USP54: variants seen among roughly 807,000 people sequenced by gnomAD.
USP54 encodes the protein ubiquitin specific peptidase 54.
A neutral mutation model predicts 170.5 loss-of-function variants in USP54; 87 were observed. That is an observed-to-expected ratio of 0.51 (90% CI 0.43 to 0.61). The LOEUF (loss-of-function observed/expected upper bound fraction) is 0.61. Ranked by LOEUF, USP54 falls within the 20% of genes least tolerant of loss-of-function variation. USP54 has a pLI of 0.00. For synonymous variants in USP54, 655 were observed against 742.8 expected, an observed-to-expected ratio of 0.88 and a Z score of 1.92; for missense variants, 1,786 against 2,047.8, an observed-to-expected ratio of 0.87 and a Z score of 2.47.
chr10:73,547,814 G>A (rs2068212404), intron 4 of USP54, among the ~76,000 whole-genome samples: 1 of 152,140 alleles, frequency 6.6e-6, no homozygotes, highest in South Asian at 2.1e-4. Flanking sequence ...TCAGGACATA[G>A]GCATGGGCAA....
intron 20 of USP54, among the ~76,000 whole-genome samples, chr10:73,514,366 G>A (rs2060709982): frequency 6.6e-6 from 1 of 151,576 alleles, no homozygotes; most frequent in South Asian, 2.1e-4. Flanking sequence ...GCTTCGAGAT[G>A]AGCCTGGCCA....
chr10:73,610,851 A>T (rs769250498), intron 1 of USP54, among the ~76,000 whole-genome samples: 2 of 152,300 alleles, frequency 1.3e-5, no homozygotes, highest in Non-Finnish European at 2.9e-5. Context: ...TCAACATGGC[A>T]CGGGAAGGTA....
At chr10:73,544,006 G>A (rs1228634357) in intron 5 of USP54, among the ~76,000 whole-genome samples, 4 of 150,552 alleles carry the variant, frequency 2.7e-5, no homozygotes, top group African/African-American at 4.9e-5. Context: ...ACAGTAGAGC[G>A]ATCTCGGCTC....
intron 1 of USP54, among the ~76,000 whole-genome samples, chr10:73,587,859 T>A (rs1408816108): frequency 6.6e-6 from 1 of 152,202 alleles, no homozygotes; most frequent in Non-Finnish European, 1.5e-5. Context: ...TGATGAAGAA[T>A]AAGATGAATC....
chr10:73,536,073 C>T, intron 11 of USP54, 196 bp downstream of exon 11: 1 of 670,494 alleles, frequency 1.5e-6, no homozygotes, highest in Non-Finnish European at 2.5e-6. Flanking sequence ...ATTTAGGCAA[C>T]ACTGTTTTGA....
intron 4 of USP54, among the ~76,000 whole-genome samples, chr10:73,563,764 T>C (rs2073655323): frequency 6.6e-6 from 1 of 152,120 alleles, no homozygotes; most frequent in Admixed American, 6.5e-5. Flanking sequence ...AGGAATTTTC[T>C]GGAGTTCTAT....
chr10:73,539,585 GAA>G lies in USP54; in HGVS notation c.832_833del (p.Phe278GlnfsTer5). ...GCTTGGCCCGGTCATCCGTCACTCT[GAA>G]AAACAGCTGAGGGGAAAGAAGAGAA... ...GTCLKLGDLF[F>X]RVTDDRAKQS... On this transcript the variant is annotated frameshift_variant, in exon 10 of 24. Coordinates refer to ENST00000687698, the MANE Select transcript of USP54 (RefSeq NM_001391956.1). LOFTEE classifies it high-confidence loss of function. The G allele has an allele frequency of 6.3e-7, 1 of 1,595,888 alleles. No homozygotes were observed. The highest frequency in any genetic ancestry group is 1.3e-5 in the African/African-American group (1 of 74,778).
At chr10:73,602,206 G>A (rs968288808) in intron 1 of USP54, among the ~76,000 whole-genome samples, 1 of 152,176 alleles carries the variant, frequency 6.6e-6, no homozygotes, top group East Asian at 1.9e-4. Context: ...CTATTTATTG[G>A]TAAAGTATAC....
chr10:73,607,892 G>A (rs558246406), intron 1 of USP54, among the ~76,000 whole-genome samples: 4 of 151,528 alleles, frequency 2.6e-5, no homozygotes, highest in Admixed American at 2.0e-4. Context: ...GTGCTTAATT[G>A]AGTAGTAAGG....
At chr10:73,590,611 A>G (rs1225044499) in intron 1 of USP54, among the ~76,000 whole-genome samples, 1 of 152,196 alleles carries the variant, frequency 6.6e-6, no homozygotes, top group Admixed American at 6.5e-5. Context: ...AATATTAAAT[A>G]TTTTACTTTC....
At chr10:73,544,845 C>A (rs912034803) in intron 5 of USP54, among the ~76,000 whole-genome samples, 1 of 152,118 alleles carries the variant, frequency 6.6e-6, no homozygotes, top group Non-Finnish European at 1.5e-5. Flanking sequence ...TCCCAAGTAG[C>A]TGGGACTATA....
chr10:73,538,858 G>T (rs540200548), intron 10 of USP54, among the ~76,000 whole-genome samples: 41 of 152,218 alleles, frequency 2.7e-4, no homozygotes, highest in African/African-American at 9.4e-4. Flanking sequence ...ATACAAAACT[G>T]CTGAATGCCT....
At chr10:73,551,912 C>A (rs2069466700) in intron 4 of USP54, among the ~76,000 whole-genome samples, 1 of 152,198 alleles carries the variant, frequency 6.6e-6, no homozygotes, top group South Asian at 2.1e-4. Flanking sequence ...AGGGCCTCAA[C>A]TGTTCCTAAT....
chr10:73,526,757 G>T lies in USP54; in HGVS notation c.2084C>A (p.Ala695Asp), dbSNP rs185369803. The T allele has an allele frequency of 6.2e-7, 1 of 1,613,964 alleles. No homozygotes were observed. Among genetic ancestry groups the T allele is most frequent in the East Asian group, 2.2e-5 (1 of 44,866 alleles). Residue 695 changes from alanine to aspartate, a missense_variant, in exon 16 of 24, where the codon GCT becomes GAT. By Grantham distance (126) the Ala-to-Asp change is moderately radical. Around this residue, in one of 3 missense-constraint regions of USP54, gnomAD observed 1,418 missense variants for 1,569.0 expected, o/e 0.90. Transcript: ENST00000687698. ...VYRDPSAKRS[A>D]GLVPSWRHIP... The stretch of plus-strand genomic sequence containing the variant: ...ATGACGCCAGGAAGGAACCAACCCA[G>T]CTGATCTCTTAGCACTTGGATCCCT...
chr10:73,599,254 C>T (rs750785775), intron 1 of USP54, among the ~76,000 whole-genome samples: 13 of 152,156 alleles, frequency 8.5e-5, no homozygotes, highest in East Asian at 1.9e-4. Context: ...ACATGAAAGA[C>T]GGTGAAACTG....
intron 1 of USP54, among the ~76,000 whole-genome samples, chr10:73,613,001 C>T (rs1564963189): frequency 6.6e-6 from 1 of 151,812 alleles, no homozygotes. Flanking sequence ...CCAAGAAACA[C>T]AAAAAATTAG....
Position 73,571,427 on chromosome 10 carries a change from A to T in USP54, c.234T>A (p.Ala78=). The change falls in exon 4 of 24, where the codon GCT becomes GCA. Residue 78 remains alanine, a synonymous_variant. Transcript: ENST00000687698. The part of the protein sequence containing the change: ...KCMGDSCIFC[A]LKGIFNQFQC... ...ACTAATTGGAAGTACTTACCTTGAG[A>T]GCGCAAAAGATGCAGGAATCTCCCA... is the stretch of plus-strand genomic sequence containing the variant. 1 of 1,613,420 alleles carries T rather than the reference A, an allele frequency of 6.2e-7. No homozygotes were observed. Among genetic ancestry groups the T allele is most frequent in the Non-Finnish European group, 8.5e-7 (1 of 1,179,638 alleles).
intron 1 of USP54, among the ~76,000 whole-genome samples, chr10:73,600,136 G>A (rs2079054427): frequency 6.6e-6 from 1 of 152,018 alleles, no homozygotes; most frequent in Non-Finnish European, 1.5e-5. Context: ...CTGACTTCAG[G>A]TGATCTGCCC....
At chr10:73,590,417 C>T (rs529504632) in intron 1 of USP54, among the ~76,000 whole-genome samples, 8 of 152,246 alleles carry the variant, frequency 5.3e-5, no homozygotes, top group African/African-American at 1.7e-4. Context: ...TTCTAACTAG[C>T]AGTAGTTTGG....
Sources: allele counts gnomAD v4.1 joint callset (sites outside exome capture counted in the v4.1 genomes callset), GRCh38; gene constraint gnomAD v4.1.1; regional missense constraint gnomAD v4.1.1; transcripts MANE v1.5; gene names NCBI Gene and HGNC (gene_info 2026-07-23, HGNC 2026-07-21).